Variants in PTCHD4 observed in about 807,000 individuals in gnomAD.
PTCHD4 encodes the protein patched domain-containing protein 4.
A neutral mutation model predicts 58.1 loss-of-function variants in PTCHD4; 33 were observed. That is an observed-to-expected ratio of 0.57 (90% confidence interval 0.43 to 0.76). PTCHD4 has a LOEUF of 0.76. PTCHD4 is among the 30% of genes least tolerant of loss of function. The pLI is 0.00. For missense variants in PTCHD4, 1,058 were observed against 1,027.1 expected, an observed-to-expected ratio of 1.03 and a Z score of -0.41; for synonymous variants, 478 against 409.6, an observed-to-expected ratio of 1.17 and a Z score of -2.02.
At chr6:47,880,634 C>T (rs1025607088) in intron 4 of PTCHD4, among the ~76,000 whole-genome samples, 11 of 152,098 alleles carry the variant, frequency 7.2e-5, no homozygotes, top group Non-Finnish European at 1.5e-4. Context: ...CTCTGATTCA[C>T]GTGAGATGGA....
intron 3 of PTCHD4, among the ~76,000 whole-genome samples, chr6:48,060,004 A>C (rs1322938504): frequency 1.3e-5 from 2 of 152,164 alleles, no homozygotes; most frequent in East Asian, 3.9e-4. Context: ...TTCATCCATG[A>C]TAATTTGTAA....
At chr6:47,905,678 C>G (rs1290749919) in intron 4 of PTCHD4, among the ~76,000 whole-genome samples, 1 of 152,116 alleles carries the variant, frequency 6.6e-6, no homozygotes, top group Non-Finnish European at 1.5e-5. Context: ...TTACTGTATC[C>G]CCAATGTGCA....
intron 4 of PTCHD4, among the ~76,000 whole-genome samples, chr6:47,921,954 A>AAG (rs1765444265): frequency 6.7e-6 from 1 of 149,402 alleles, no homozygotes; most frequent in African/African-American, 2.5e-5. Context: ...CTAAAAAAAA[A>AAG]AAAAAAGAAA....
chr6:48,108,910 A>G (rs1211347089), intron 1 of PTCHD4, among the ~76,000 whole-genome samples: 1 of 152,046 alleles, frequency 6.6e-6, no homozygotes, highest in Non-Finnish European at 1.5e-5. Flanking sequence ...GAAAAAAGAC[A>G]ATTCACTAAT....
chr6:47,923,653 A>G (rs1462091018), intron 4 of PTCHD4, among the ~76,000 whole-genome samples: 1 of 152,174 alleles, frequency 6.6e-6, no homozygotes, highest in Non-Finnish European at 1.5e-5. Flanking sequence ...GATGATGTCA[A>G]GTTGGTGATT....
rs34214628 is a variant in PTCHD4 at position 47,886,119 on chromosome 6, A to ATTTT, written c.899-6187_899-6184dup. On this transcript the variant is annotated intron_variant, in intron 4 of 4. Coordinates refer to ENST00000339488, the MANE Select transcript of PTCHD4 (RefSeq NM_001384253.1). ...AGGCGCGAGCCACGGCGATGGCAAG[A>ATTTT]TTTTTTTTTTTTTTTTTCCCAGAGC... 1.6e-3 allele frequency among the ~76,000 whole-genome samples: 240 copies of ATTTT among 145,924 alleles called. 2 individuals are homozygous for ATTTT. The highest frequency in any genetic ancestry group is 5.6e-3 in the African/African-American group (223 of 39,722).
intron 4 of PTCHD4, among the ~76,000 whole-genome samples, chr6:47,939,557 C>T (rs1394532633): frequency 1.3e-5 from 2 of 152,060 alleles, no homozygotes; most frequent in African/African-American, 4.8e-5. Flanking sequence ...TTGTCTTACA[C>T]TTCTGCTCTG....
intron 4 of PTCHD4, among the ~76,000 whole-genome samples, chr6:47,897,047 T>C (rs111322980): frequency 1.3e-5 from 2 of 152,182 alleles, no homozygotes; most frequent in African/African-American, 4.8e-5. Context: ...GGAATGAATG[T>C]GTGCCTCTGA....
intron 1 of PTCHD4, among the ~76,000 whole-genome samples, chr6:48,102,780 T>A (rs1765634830): frequency 6.6e-6 from 1 of 152,200 alleles, no homozygotes; most frequent in South Asian, 2.1e-4. Context: ...CAAACAGGCT[T>A]AACAAACGAC....
intron 4 of PTCHD4, among the ~76,000 whole-genome samples, chr6:47,941,188 G>A (rs1191206209): frequency 6.6e-6 from 1 of 152,168 alleles, no homozygotes; most frequent in African/African-American, 2.4e-5. Flanking sequence ...GTCCACCAAT[G>A]AGAGACACTT....
intron 4 of PTCHD4, among the ~76,000 whole-genome samples, chr6:47,956,609 A>G (rs1417610856): frequency 1.2e-4 from 18 of 151,738 alleles, no homozygotes; most frequent in Non-Finnish European, 1.5e-5. Context: ...AATTTTTTGT[A>G]TTTTTAGTAG....
intron 4 of PTCHD4, among the ~76,000 whole-genome samples, chr6:47,969,714 A>G (rs1047780594): frequency 2.6e-5 from 4 of 152,152 alleles, no homozygotes; most frequent in African/African-American, 4.8e-5. Flanking sequence ...TTTTCATTTT[A>G]CCTCAAGCTG....
At chr6:47,946,945 G>A (rs1410103037) in intron 4 of PTCHD4, among the ~76,000 whole-genome samples, 1 of 152,084 alleles carries the variant, frequency 6.6e-6, no homozygotes, top group Non-Finnish European at 1.5e-5. Flanking sequence ...CTGGGTTCAA[G>A]AAATCCTCCC....
rs1763440332 is a variant in PTCHD4 at position 47,862,008 on chromosome 6, G to C, written c.*16295C>G. Among the ~76,000 whole-genome samples, 1 of 151,830 alleles carries C rather than the reference G, an allele frequency of 6.6e-6. No individual in the cohort carries two copies. The highest frequency in any genetic ancestry group is 1.5e-5 in the Non-Finnish European group (1 of 67,862). ...ATTCTCTTTGTCGACTTTTAGCTGT[G>C]ACTTCCTATTATTGAACATAACCCA... On this transcript the variant is annotated 3_prime_UTR_variant, in exon 5 of 5. Coordinates refer to ENST00000339488, the MANE Select transcript of PTCHD4 (RefSeq NM_001384253.1).
At chr6:47,909,154 G>A (rs1302749868) in intron 4 of PTCHD4, among the ~76,000 whole-genome samples, 1 of 152,074 alleles carries the variant, frequency 6.6e-6, no homozygotes, top group African/African-American at 2.4e-5. Context: ...ATCTAGAAGG[G>A]AACTGTAATC....
intron 1 of PTCHD4, among the ~76,000 whole-genome samples, chr6:48,097,421 G>A (rs950024258): frequency 6.6e-6 from 1 of 152,132 alleles, no homozygotes; most frequent in African/African-American, 2.4e-5. Context: ...CTCAAGAAGT[G>A]TAGATCATAC....
chr6:47,868,557 C>T lies in PTCHD4; in HGVS notation c.*9746G>A, dbSNP rs1484738914. Among the ~76,000 whole-genome samples, 2 of 151,778 alleles carry T rather than the reference C, an allele frequency of 1.3e-5. No individual in the cohort carries two copies. The highest frequency in any genetic ancestry group is 2.9e-5 in the Non-Finnish European group (2 of 67,828). On this transcript the variant is annotated 3_prime_UTR_variant, in exon 5 of 5. Transcript: ENST00000339488. ...GGATAATTACTGAACGTCTGCAAAG[C>T]AGACATTGTGTGCTTCATAGTTTGG...
chr6:48,069,196 T>TG lies in PTCHD4; in HGVS notation c.-240dup, dbSNP rs373285367. ...GAGAAGGGCGGGAGCACGTTGGGGG[T>TG]GGGGGGGCAGATAAGCTTTTTTCTT... On this transcript the variant is annotated 5_prime_UTR_variant, in exon 2 of 5. It introduces an in-frame stop codon into an upstream open reading frame of the 5' UTR. Coordinates refer to ENST00000339488, the MANE Select transcript of PTCHD4 (RefSeq NM_001384253.1). Among the ~76,000 whole-genome samples the TG allele has an allele frequency of 0.14, 6,388 of 47,302 alleles. 338 individuals are homozygous for TG. The highest frequency in any genetic ancestry group is 0.15 in the Non-Finnish European group (3,637 of 24,584). The allele number at this position is 47,302 out of a possible 152,430, so 31.0% of individuals were successfully genotyped here. A position where few individuals can be genotyped will look rare whatever the true frequency, so the allele number is the denominator to read the frequency against.
chr6:48,051,922 C>T (rs999070864), intron 3 of PTCHD4, among the ~76,000 whole-genome samples: 1 of 151,960 alleles, frequency 6.6e-6, no homozygotes, highest in Admixed American at 6.6e-5. Flanking sequence ...TTTGGACTAA[C>T]TTTTAAGATT....
Sources: gnomAD v4.1 joint callset for allele counts (sites outside exome capture counted in the v4.1 genomes callset) on GRCh38, gnomAD v4.1.1 for gene constraint, MANE v1.5 for transcripts, NCBI Gene and HGNC (gene_info 2026-07-23, HGNC 2026-07-21) for gene names.